NCEH1: variants seen among roughly 807,000 people sequenced by gnomAD.
The protein encoded by NCEH1 is neutral cholesterol ester hydrolase 1.
NCEH1 carries 9 observed loss-of-function variants against 25.4 expected under a neutral mutation model. The observed-to-expected ratio is 0.35, with a 90% CI of 0.21 to 0.62. The LOEUF is 0.62. NCEH1 is among the 20% of genes least tolerant of loss of function. The pLI is 0.72. For missense variants in NCEH1, 412 were observed against 501.1 expected, an observed-to-expected ratio of 0.82 and a Z score of 1.70; for synonymous variants, 200 against 199.8, an observed-to-expected ratio of 1.00 and a Z score of -0.01.
At chr3:172,636,510 A>G (rs1461482973) in intron 3 of NCEH1, among the ~76,000 whole-genome samples, 1 of 152,190 alleles carries the variant, frequency 6.6e-6, no homozygotes, top group African/African-American at 2.4e-5. Context: ...AGGATTAACC[A>G]CTTCATTGAT....
chr3:172,697,460 A>G (rs1159803609), intron 1 of NCEH1, among the ~76,000 whole-genome samples: 1 of 152,168 alleles, frequency 6.6e-6, no homozygotes, highest in Non-Finnish European at 1.5e-5. Flanking sequence ...TGGGTGTTTC[A>G]TCTATAGAAT....
At chr3:172,704,345 CT>C (rs1216803103) in intron 1 of NCEH1, among the ~76,000 whole-genome samples, 1 of 152,240 alleles carries the variant, frequency 6.6e-6, no homozygotes, top group Non-Finnish European at 1.5e-5. Context: ...CATTGTGTCA[CT>C]GAAAAGATTC....
At chr3:172,710,762 G>T in intron 1 of NCEH1, 85 bp downstream of exon 1, 1 of 1,502,370 alleles carries the variant, frequency 6.7e-7, no homozygotes, top group Non-Finnish European at 9.1e-7. Context: ...CTGCGTTTTC[G>T]TGGAACCCGG....
intron 1 of NCEH1, among the ~76,000 whole-genome samples, chr3:172,653,737 T>TTTTG (rs1253767026): frequency 3.0e-5 from 2 of 67,106 alleles, no homozygotes; most frequent in African/African-American, 1.6e-4. Flanking sequence ...GTTGTTCTGT[T>TTTTG]TTTTTTGTTT....
At chr3:172,710,001 C>T (rs1714210784) in intron 1 of NCEH1, among the ~76,000 whole-genome samples, 1 of 152,070 alleles carries the variant, frequency 6.6e-6, no homozygotes, top group Non-Finnish European at 1.5e-5. Flanking sequence ...AAAAATAATG[C>T]CTCTTACCAT....
At chr3:172,709,671 A>G (rs540718065) in intron 1 of NCEH1, among the ~76,000 whole-genome samples, 8 of 152,358 alleles carry the variant, frequency 5.3e-5, no homozygotes, top group Admixed American at 5.2e-4. Context: ...CATAGGATAA[A>G]GCCCCACAGA....
At chr3:172,680,677 CT>C (rs200032512) in intron 1 of NCEH1, 18,521 of 133,514 alleles carry the variant, frequency 0.14, 1,213 homozygotes, top group African/African-American at 0.24. Context: ...GCCCCCCCCC[CT>C]CCATCAGCCA....
intron 1 of NCEH1, among the ~76,000 whole-genome samples, chr3:172,671,528 C>CACACACACACACACAT (rs145129202): frequency 2.8e-4 from 38 of 137,132 alleles, no homozygotes; most frequent in South Asian, 4.7e-4. Context: ...CACACACACA[C>CACACACACACACACAT]ATATATAGAT....
At chr3:172,642,603 CAAAAAAA>C (rs66551744) in intron 3 of NCEH1, among the ~76,000 whole-genome samples, 62 of 83,904 alleles carry the variant, frequency 7.4e-4, no homozygotes, top group East Asian at 6.2e-3. Context: ...GCTATTTCTA[CAAAAAAA>C]AAAAAAAAAA....
At chr3:172,683,130 G>A (rs34241696) in intron 1 of NCEH1, among the ~76,000 whole-genome samples, 2 of 64,446 alleles carry the variant, frequency 3.1e-5, no homozygotes, top group Non-Finnish European at 3.4e-5. Flanking sequence ...AGGGCCGGGC[G>A]CGGTGGCTCA....
intron 1 of NCEH1, among the ~76,000 whole-genome samples, chr3:172,667,402 C>T (rs754264486): frequency 2.6e-5 from 4 of 152,232 alleles, no homozygotes; most frequent in Non-Finnish European, 4.4e-5. Flanking sequence ...ACGACACAGT[C>T]TCTCTGGAGA....
chr3:172,708,790 G>A (rs1050465205), intron 1 of NCEH1, among the ~76,000 whole-genome samples: 39 of 152,066 alleles, frequency 2.6e-4, no homozygotes, highest in Non-Finnish European at 1.5e-4. Flanking sequence ...GGACCCTTGG[G>A]GACAACTAGA....
intron 1 of NCEH1, among the ~76,000 whole-genome samples, chr3:172,692,220 A>C (rs1713102139): frequency 6.6e-6 from 1 of 152,244 alleles, no homozygotes; most frequent in Non-Finnish European, 1.5e-5. Flanking sequence ...GACTTAAAGA[A>C]GTTTCTATTA....
intron 1 of NCEH1, among the ~76,000 whole-genome samples, chr3:172,697,793 T>C (rs1713453676): frequency 6.6e-6 from 1 of 152,170 alleles, no homozygotes; most frequent in Non-Finnish European, 1.5e-5. Context: ...AGCAGGCCCA[T>C]GTCTGTGAAG....
chr3:172,667,717 A>T (rs759102660), intron 1 of NCEH1, among the ~76,000 whole-genome samples: 2 of 152,206 alleles, frequency 1.3e-5, no homozygotes, highest in African/African-American at 4.8e-5. Context: ...TAGATGGGTA[A>T]CAGATTTTCT....
At chr3:172,706,942 GT>G (rs957869244) in intron 1 of NCEH1, among the ~76,000 whole-genome samples, 12 of 152,100 alleles carry the variant, frequency 7.9e-5, no homozygotes, top group Non-Finnish European at 1.2e-4. Flanking sequence ...TGATGAACAA[GT>G]TTTTTAATCC....
At chr3:172,705,965 T>C (rs148035794) in intron 1 of NCEH1, among the ~76,000 whole-genome samples, 2,454 of 132,638 alleles carry the variant, frequency 0.019, 74 homozygotes, top group African/African-American at 0.068. Context: ...GCCACTGCAC[T>C]CCAGCCTGGG....
chr3:172,647,843 G>T, intron 2 of NCEH1, 43 bp downstream of exon 2: 3 of 1,610,302 alleles, frequency 1.9e-6, no homozygotes, highest in Non-Finnish European at 2.5e-6. Flanking sequence ...CTCCCCCAAG[G>T]CCAACCACAA....
chr3:172,702,874 C>T (rs1713774859), intron 1 of NCEH1, among the ~76,000 whole-genome samples: 1 of 152,242 alleles, frequency 6.6e-6, no homozygotes, highest in African/African-American at 2.4e-5. Context: ...CGCCTGTAGT[C>T]CCAGCTACTC....
Sources: gnomAD v4.1 joint callset for allele counts (sites outside exome capture counted in the v4.1 genomes callset) on GRCh38, gnomAD v4.1.1 for gene constraint, MANE v1.5 for transcripts, NCBI Gene and HGNC (gene_info 2026-07-23, HGNC 2026-07-21) for gene names.